ERO1B: variants seen among roughly 807,000 people sequenced by gnomAD.
ERO1B encodes the protein ERO1-like protein beta.
ERO1B carries 49 observed loss-of-function variants against 75.3 expected under a neutral mutation model. The observed-to-expected ratio is 0.65, with a 90% CI of 0.52 to 0.83. The LOEUF (loss-of-function observed/expected upper bound fraction) is 0.83. Ranked by LOEUF, ERO1B falls within the 40% of genes least tolerant of loss-of-function variation. ERO1B has a pLI of 0.00. For missense variants in ERO1B, 512 were observed against 560.1 expected, an observed-to-expected ratio of 0.91 and a Z score of 0.87; for synonymous variants, 191 against 192.9, an observed-to-expected ratio of 0.99 and a Z score of 0.08.
At chr1:236,221,691 A>G (rs2102937656) in intron 14 of ERO1B, 1 of 425,180 alleles carries the variant, frequency 2.4e-6, no homozygotes, top group Non-Finnish European at 4.1e-6. Context: ...TTGTATCAAT[A>G]GAAACATAGA....
rs1210271356 is a variant in ERO1B, at chr1:236,238,543, A to ATT, written c.506-2146_506-2145insAA. Among the ~76,000 whole-genome samples the ATT allele has an allele frequency of 3.1e-3, 428 of 135,982 alleles. 1 individual carries two copies. Among genetic ancestry groups the ATT allele is most frequent in the African/African-American group, 0.011 (381 of 35,254 alleles). The allele number at this position is 135,982 out of a possible 152,430, so 89.2% of individuals were successfully genotyped here. On this transcript the variant is annotated intron_variant, in intron 6 of 15. Coordinates refer to ENST00000354619, the MANE Select transcript of ERO1B (RefSeq NM_019891.4). ...ACAGCCTTTTTTTTTTTTTTTTTAA[A>ATT]AAAAAAAAGAAAGTATGGCTTTTAG...
chr1:236,231,377 G>A (rs1031756701), intron 9 of ERO1B, among the ~76,000 whole-genome samples: 6 of 151,298 alleles, frequency 4.0e-5, no homozygotes, highest in Non-Finnish European at 7.4e-5. Flanking sequence ...TAATTACAAC[G>A]TATTGTATTC....
At chr1:236,279,152 T>C (rs995441558) in intron 1 of ERO1B, among the ~76,000 whole-genome samples, 6 of 152,220 alleles carry the variant, frequency 3.9e-5, no homozygotes, top group Admixed American at 2.0e-4. Context: ...ATTACCTCAA[T>C]GGTCCCACTT....
chr1:236,255,852 C>T (rs1749566), intron 2 of ERO1B, among the ~76,000 whole-genome samples: 37,711 of 151,994 alleles, frequency 0.25, 4,866 homozygotes, highest in East Asian at 0.38. Context: ...TTCATAGGTA[C>T]CTCAAAATTA....
intron 1 of ERO1B, among the ~76,000 whole-genome samples, chr1:236,274,888 T>C (rs955839142): frequency 2.6e-5 from 4 of 152,188 alleles, no homozygotes; most frequent in African/African-American, 9.7e-5. Context: ...GGAAACAGAC[T>C]GCAGAACTGG....
chr1:236,244,114 A>C (rs1664778235), intron 5 of ERO1B, among the ~76,000 whole-genome samples: 1 of 152,172 alleles, frequency 6.6e-6, no homozygotes, highest in African/African-American at 2.4e-5. Flanking sequence ...GATCTACATT[A>C]ACTTGAACCT....
Position 236,217,825 on chromosome 1 carries a change from G to C in ERO1B, c.*691C>G, listed in dbSNP as rs1483285112. ...ACACAAAATCTGGCTGGGTAGCATAGGGGAGAGGTCTTGTTCACCTTTACC... is the reference window on the plus strand; with the variant it reads ...ACACAAAATCTGGCTGGGTAGCATACGGGAGAGGTCTTGTTCACCTTTACC... On this transcript the variant is annotated 3_prime_UTR_variant, in exon 16 of 16. Transcript: ENST00000354619. 3.9e-5 allele frequency: 6 copies of C among 152,154 alleles called. No individual in the cohort carries two copies. The highest frequency in any genetic ancestry group is 7.2e-5 in the African/African-American group (3 of 41,446). The allele number at this position is 152,154 out of a possible 1,614,324, so 9.4% of individuals were successfully genotyped here.
At position 236,216,893 on chromosome 1, in the gene ERO1B, G is replaced by A. The variant is rs1664000091; in HGVS notation, c.*1623C>T. On this transcript the variant is annotated 3_prime_UTR_variant, in exon 16 of 16. Coordinates refer to ENST00000354619, the MANE Select transcript of ERO1B (RefSeq NM_019891.4). ...ACCATACAATACTTGCAACCCTCAA[G>A]AAAAAGTAGAGGAGGCTCCAATCAA... 6.6e-6 allele frequency: 1 copy of A among 151,346 alleles called. No homozygotes were observed. 9.4% of individuals were successfully genotyped at this position (151,346 alleles called of 1,614,324 possible).
rs780162522 is a variant in ERO1B, at chr1:236,236,337, G to C, written c.567C>G (p.Gly189=). ...DLLLNPERYT[G]YKGTSAWRVW... is the part of the protein sequence containing the mutation. Reference sequence around the variant, plus strand: ...CTCTCCATGCAGAGGTCCCTTTATAGCCAGTGTAACGCTCTGGGTTCAGCA... The same window carrying C: ...CTCTCCATGCAGAGGTCCCTTTATACCCAGTGTAACGCTCTGGGTTCAGCA... Residue 189 remains glycine, a synonymous_variant, in exon 7 of 16, where the codon GGC becomes GGG. Coordinates refer to ENST00000354619, the MANE Select transcript of ERO1B (RefSeq NM_019891.4). The C allele has an allele frequency of 6.2e-7, 1 of 1,613,082 alleles. No homozygotes were observed. The highest frequency in any genetic ancestry group is 1.1e-5 in the South Asian group (1 of 91,056).
intron 6 of ERO1B, among the ~76,000 whole-genome samples, chr1:236,239,379 A>T (rs755260468): frequency 1.7e-4 from 26 of 152,106 alleles, no homozygotes. Context: ...TCCAACAGAG[A>T]CCCTATAGTC....
intron 2 of ERO1B, among the ~76,000 whole-genome samples, chr1:236,258,938 G>A (rs1447475066): frequency 6.6e-6 from 1 of 151,990 alleles, no homozygotes. Flanking sequence ...ACTAGTAAAA[G>A]TAAGCATACA....
intron 10 of ERO1B, among the ~76,000 whole-genome samples, chr1:236,228,596 C>A (rs567289510): frequency 3.0e-4 from 45 of 152,316 alleles, no homozygotes; most frequent in African/African-American, 1.1e-3. Context: ...TTCCTCTTTT[C>A]GATTTAATTT....
At chr1:236,221,245 T>C (rs1664131925) in intron 14 of ERO1B, among the ~76,000 whole-genome samples, 2 of 152,142 alleles carry the variant, frequency 1.3e-5, no homozygotes, top group Admixed American at 1.3e-4. Flanking sequence ...AATACCATAT[T>C]AGGATTACAA....
intron 4 of ERO1B, among the ~76,000 whole-genome samples, chr1:236,250,616 T>G (rs1419544325): frequency 4.6e-5 from 3 of 64,898 alleles, no homozygotes; most frequent in Non-Finnish European, 9.4e-5. Context: ...TATATATATA[T>G]ATCAAACGTG....
intron 1 of ERO1B, among the ~76,000 whole-genome samples, chr1:236,281,056 C>T (rs1198323879): frequency 6.6e-6 from 1 of 152,224 alleles, no homozygotes; most frequent in Non-Finnish European, 1.5e-5. Flanking sequence ...CACTCAGACC[C>T]CCCCAGTCTC....
At chr1:236,245,973 A>G (rs10802447) in intron 5 of ERO1B, among the ~76,000 whole-genome samples, 9,556 of 152,052 alleles carry the variant, frequency 0.063, 666 homozygotes, top group East Asian at 0.39. Context: ...GCAGTGTATC[A>G]TATTTCATTA....
intron 2 of ERO1B, among the ~76,000 whole-genome samples, chr1:236,268,694 G>T (rs948113925): frequency 1.3e-5 from 2 of 150,662 alleles, no homozygotes; most frequent in Non-Finnish European, 3.0e-5. Flanking sequence ...AGACCATCCT[G>T]GCTAACATGG....
rs2102970541 is a variant in ERO1B, at chr1:236,281,786, T to C, written c.-3A>G. On this transcript the variant is annotated 5_prime_UTR_variant, in exon 1 of 16. Coordinates refer to ENST00000354619, the MANE Select transcript of ERO1B (RefSeq NM_019891.4). The stretch of plus-strand genomic sequence containing the variant: ...GCCCGGCGGACCCCTTGGCTCATGC[T>C]GACCTCTACCCACACCGCGGCCAGC... 1 of 1,495,490 alleles carries C rather than the reference T, an allele frequency of 6.7e-7. No homozygotes were observed. The highest frequency in any genetic ancestry group is 8.9e-7 in the Non-Finnish European group (1 of 1,123,384). The allele number at this position is 1,495,490 out of a possible 1,614,324, so 92.6% of individuals were successfully genotyped here. A position where few individuals can be genotyped will look rare whatever the true frequency, so the allele number is the denominator to read the frequency against.
chr1:236,274,670 A>G (rs991342897), intron 1 of ERO1B, among the ~76,000 whole-genome samples: 1 of 152,202 alleles, frequency 6.6e-6, no homozygotes, highest in East Asian at 1.9e-4. Flanking sequence ...TCACTTATTC[A>G]TTAATTCAGC....
Sources: gnomAD v4.1 joint callset for allele counts (sites outside exome capture counted in the v4.1 genomes callset) on GRCh38, gnomAD v4.1.1 for gene constraint, MANE v1.5 for transcripts, NCBI Gene and HGNC (gene_info 2026-07-23, HGNC 2026-07-21) for gene names.